The following ICA1 variants were observed in gnomAD, a reference collection of about 807,000 sequenced individuals.
ICA1 encodes the protein islet cell autoantigen 1.
Under a neutral mutation model 71.0 loss-of-function variants are expected in ICA1, and 40 were observed. The ratio of observed to expected loss-of-function variants is 0.56; its 90% confidence interval spans 0.44 to 0.73. The LOEUF (loss-of-function observed/expected upper bound fraction) is 0.73. Among genes scored for constraint, ICA1 ranks in the 30% least tolerant of loss-of-function variants. The probability of loss-of-function intolerance (pLI) is 0.00; values close to 1 mark genes in which losing one functional copy is unlikely to be tolerated. For missense variants in ICA1, 578 were observed against 576.5 expected (o/e 1.00, Z -0.03); for synonymous variants, 207 against 209.5 (o/e 0.99, Z 0.10).
chr7:8,229,851 G>C (rs983282336), intron 3 of ICA1, among the ~76,000 whole-genome samples: 1 of 152,176 alleles, frequency 6.6e-6, no homozygotes, highest in Non-Finnish European at 1.5e-5. Flanking sequence ...GTCTGAATCT[G>C]TCCCTTAGCA....
intron 6 of ICA1, among the ~76,000 whole-genome samples, chr7:8,162,791 T>A (rs919329747): frequency 1.3e-5 from 2 of 152,170 alleles, no homozygotes; most frequent in African/African-American, 4.8e-5. Flanking sequence ...AGAGATGGAG[T>A]CTCGCTCTGT....
At chr7:8,216,118 G>T (rs1438571314) in intron 6 of ICA1, among the ~76,000 whole-genome samples, 4 of 152,326 alleles carry the variant, frequency 2.6e-5, no homozygotes, top group African/African-American at 9.6e-5. Flanking sequence ...AACATCATGA[G>T]GTCAGCTGCA....
intron 13 of ICA1, among the ~76,000 whole-genome samples, chr7:8,124,428 T>A (rs934687802): frequency 1.3e-5 from 2 of 148,798 alleles, no homozygotes. Flanking sequence ...CGTGTATAGG[T>A]AGATTTTCTA....
intron 6 of ICA1, among the ~76,000 whole-genome samples, chr7:8,199,548 T>TA (rs575203501): frequency 9.1e-4 from 138 of 151,876 alleles, no homozygotes; most frequent in African/African-American, 3.0e-3. Context: ...CTGTCTCTAC[T>TA]AAAAAAATAA....
intron 7 of ICA1, among the ~76,000 whole-genome samples, chr7:8,157,947 C>T (rs1169819026): frequency 2.6e-5 from 4 of 152,088 alleles, no homozygotes; most frequent in African/African-American, 9.7e-5. Context: ...GCCTCGGCCT[C>T]CCAAAGTGCT....
intron 1 of ICA1, among the ~76,000 whole-genome samples, chr7:8,260,435 T>TAA (rs996918225): frequency 1.3e-5 from 2 of 152,194 alleles, no homozygotes; most frequent in African/African-American, 2.4e-5. Flanking sequence ...CCAGTATCTT[T>TAA]AGCACTCAAT....
At chr7:8,117,350 A>C (rs984492235) in intron 13 of ICA1, among the ~76,000 whole-genome samples, 5 of 152,162 alleles carry the variant, frequency 3.3e-5, no homozygotes, top group African/African-American at 7.2e-5. Context: ...CCTGCCCCAG[A>C]ATGGTTAAGA....
intron 6 of ICA1, among the ~76,000 whole-genome samples, chr7:8,182,168 C>A (rs915299997): frequency 6.6e-6 from 1 of 152,146 alleles, no homozygotes; most frequent in Non-Finnish European, 1.5e-5. Flanking sequence ...ATACACTCTT[C>A]AGGCTCAACT....
At chr7:8,193,664 G>A (rs371007258) in intron 6 of ICA1, among the ~76,000 whole-genome samples, 9 of 152,092 alleles carry the variant, frequency 5.9e-5, no homozygotes, top group African/African-American at 1.7e-4. Context: ...CTGCCATTGC[G>A]TGATATCATA....
At position 8,197,714 on chromosome 7, in the gene ICA1, C is replaced by T. The variant is rs149064532; in HGVS notation, c.579+20591G>A. ...AACTCTAAGGGGGCACAAACGAGAA[C>T]AAAGAAGATGGGAAAAGAGCTACCA... On this transcript the variant is annotated intron_variant, in intron 6 of 13. Transcript: ENST00000402384. Among the ~76,000 whole-genome samples the T allele has an allele frequency of 2.6e-3, 391 of 151,802 alleles. 5 individuals carry two copies. The highest frequency in any genetic ancestry group is 0.011 in the East Asian group (59 of 5,180).
chr7:8,244,262 C>G (rs1434447636), intron 1 of ICA1, among the ~76,000 whole-genome samples: 1 of 152,164 alleles, frequency 6.6e-6, no homozygotes, highest in Non-Finnish European at 1.5e-5. Context: ...CACACATCTA[C>G]AGCTATCTGA....
At chr7:8,169,626 C>A (rs1807510911) in intron 6 of ICA1, among the ~76,000 whole-genome samples, 1 of 151,988 alleles carries the variant, frequency 6.6e-6, no homozygotes, top group Non-Finnish European at 1.5e-5. Flanking sequence ...CTTTTCATAT[C>A]TTATTTGCCA....
At chr7:8,243,828 G>C (rs1466105812) in intron 1 of ICA1, among the ~76,000 whole-genome samples, 4 of 152,158 alleles carry the variant, frequency 2.6e-5, no homozygotes, top group Non-Finnish European at 4.4e-5. Context: ...TTGCTACGAA[G>C]AGAATAAAAT....
At chr7:8,194,213 A>T (rs1786634224) in intron 6 of ICA1, among the ~76,000 whole-genome samples, 1 of 152,144 alleles carries the variant, frequency 6.6e-6, no homozygotes, top group African/African-American at 2.4e-5. Context: ...CATGTGTGTG[A>T]ACTCTCCTCC....
intron 8 of ICA1, among the ~76,000 whole-genome samples, chr7:8,152,186 G>A (rs1799040667): frequency 6.6e-6 from 1 of 152,066 alleles, no homozygotes; most frequent in South Asian, 2.1e-4. Flanking sequence ...GGCAGGGGGT[G>A]GGTTGGGTTA....
intron 13 of ICA1, among the ~76,000 whole-genome samples, chr7:8,122,443 A>C (rs530882414): frequency 1.3e-5 from 2 of 152,242 alleles, no homozygotes; most frequent in Non-Finnish European, 2.9e-5. Context: ...AGTAGATCAA[A>C]GTTCCTTCTG....
At chr7:8,150,633 C>T (rs1798475382) in intron 8 of ICA1, among the ~76,000 whole-genome samples, 1 of 152,162 alleles carries the variant, frequency 6.6e-6, no homozygotes, top group Non-Finnish European at 1.5e-5. Flanking sequence ...ATGTAGTGAC[C>T]TTCCCCTTCA....
intron 6 of ICA1, among the ~76,000 whole-genome samples, chr7:8,207,750 G>T (rs898595814): frequency 2.0e-5 from 3 of 152,170 alleles, no homozygotes; most frequent in African/African-American, 7.2e-5. Flanking sequence ...TGTTAGATTA[G>T]AATTACAGCA....
In ICA1 at chr7:8,113,824, A is replaced by G. The variant is rs533456637; in HGVS notation, c.*99T>C. On this transcript the variant is annotated 3_prime_UTR_variant, in exon 14 of 14. Transcript: ENST00000402384. This position sits in a 1 kb window ranked among gnomAD's most constrained non-coding sequence, Gnocchi z 4.2. Reference sequence around the variant, plus strand: ...CCCTTTCATTTTATTAAAATGGCACATAATTATTAAAACAGCATACTGATC... The same window carrying G: ...CCCTTTCATTTTATTAAAATGGCACGTAATTATTAAAACAGCATACTGATC... The G allele has an allele frequency of 6.8e-5, 87 of 1,277,578 alleles. No individual in the cohort carries two copies. Among genetic ancestry groups the G allele is most frequent in the African/African-American group, 5.2e-4 (35 of 67,956 alleles). 79.1% of individuals were successfully genotyped at this position (1,277,578 alleles called of 1,614,324 possible).
Sources: allele counts gnomAD v4.1 joint callset (sites outside exome capture counted in the v4.1 genomes callset), GRCh38; gene constraint gnomAD v4.1.1; non-coding constraint Gnocchi (gnomAD v3.1); transcripts MANE v1.5; gene names NCBI Gene and HGNC (gene_info 2026-07-23, HGNC 2026-07-21).